The following SLC4A4 variants were observed in gnomAD, a reference collection of about 807,000 sequenced individuals.
The protein encoded by SLC4A4 is electrogenic sodium bicarbonate cotransporter 1.
A neutral mutation model predicts 111.5 loss-of-function variants in SLC4A4; 27 were observed. The observed-to-expected ratio is 0.24, with a 90% CI of 0.18 to 0.33. The LOEUF is 0.33. Among genes scored for constraint, SLC4A4 ranks in the 10% least tolerant of loss-of-function variants. SLC4A4 has a pLI of 1.00. For missense variants in SLC4A4, 909 were observed against 1,315.5 expected, an observed-to-expected ratio of 0.69 and a Z score of 4.78; for synonymous variants, 443 against 463.4, an observed-to-expected ratio of 0.96 and a Z score of 0.57.
intron 3 of SLC4A4, among the ~76,000 whole-genome samples, chr4:71,325,088 T>A (rs1169360217): frequency 6.6e-6 from 1 of 151,948 alleles, no homozygotes; most frequent in Non-Finnish European, 1.5e-5. Flanking sequence ...CTTAGCTAAT[T>A]TGAAAGAGAA....
intron 3 of SLC4A4, among the ~76,000 whole-genome samples, chr4:71,267,791 C>CAAAAAAAAAAAAAAAAAA (rs71212002): frequency 7.1e-4 from 44 of 62,356 alleles, no homozygotes; most frequent in East Asian, 4.2e-3. Flanking sequence ...GAGAGTCTGC[C>CAAAAAAAAAAAAAAAAAA]AAAAAAAAAA....
At chr4:71,386,551 T>C (rs1282182663) in intron 6 of SLC4A4, among the ~76,000 whole-genome samples, 1 of 152,082 alleles carries the variant, frequency 6.6e-6, no homozygotes, top group Non-Finnish European at 1.5e-5. Flanking sequence ...ATTCTTGTTA[T>C]AATATTTTCT....
At chr4:71,101,253 C>A (rs141920636) in intron 2 of SLC4A4, among the ~76,000 whole-genome samples, 1 of 151,554 alleles carries the variant, frequency 6.6e-6, no homozygotes, top group Non-Finnish European at 1.5e-5. Context: ...TGCAAGACTC[C>A]GTCTCAAAAA....
chr4:71,441,074 A>G (rs1398058314), intron 8 of SLC4A4, among the ~76,000 whole-genome samples: 2 of 152,216 alleles, frequency 1.3e-5, no homozygotes, highest in African/African-American at 4.8e-5. Context: ...TACAGATGAA[A>G]AAAGGTCTAA....
chr4:71,151,501 T>C (rs1744310762), intron 2 of SLC4A4, among the ~76,000 whole-genome samples: 2 of 152,146 alleles, frequency 1.3e-5, no homozygotes, highest in South Asian at 4.1e-4. Context: ...TTTAATGTCA[T>C]TTTTACCTCT....
At chr4:71,505,252 G>A (rs762849965) in intron 16 of SLC4A4, among the ~76,000 whole-genome samples, 1 of 151,812 alleles carries the variant, frequency 6.6e-6, no homozygotes, top group Non-Finnish European at 1.5e-5. Flanking sequence ...ATCCTGTAAT[G>A]GATATATAAA....
At chr4:71,286,279 T>C (rs1014896138) in intron 3 of SLC4A4, among the ~76,000 whole-genome samples, 1 of 152,106 alleles carries the variant, frequency 6.6e-6, no homozygotes, top group Non-Finnish European at 1.5e-5. Context: ...CTCTCAAAGA[T>C]TTTGCATAAG....
chr4:71,486,951 A>G lies in SLC4A4; in HGVS notation c.1907A>G (p.Asn636Ser). Residue 636 changes from asparagine to serine, a missense_variant, in exon 15 of 26, where the codon AAT becomes AGT. Coordinates refer to ENST00000264485, the MANE Select transcript of SLC4A4 (RefSeq NM_001098484.3). Reference sequence around the variant, plus strand: ...AATAATTATCTTTTGCTTACAGCTAATATCTCAATATCTAATGACACCACA... The same window carrying G: ...AATAATTATCTTTTGCTTACAGCTAGTATCTCAATATCTAATGACACCACA... ...SCTCVPPDPA[N>S]ISISNDTTLA... The G allele has an allele frequency of 6.3e-7, 1 of 1,590,488 alleles. No homozygotes were observed. Among genetic ancestry groups the G allele is most frequent in the Non-Finnish European group, 8.6e-7 (1 of 1,161,196 alleles).
intron 3 of SLC4A4, among the ~76,000 whole-genome samples, chr4:71,292,332 C>T (rs1724422009): frequency 6.6e-6 from 1 of 152,098 alleles, no homozygotes; most frequent in South Asian, 2.1e-4. Flanking sequence ...GTTTTATGTT[C>T]AGATGGTAGT....
chr4:71,227,576 C>T (rs1253410581), intron 1 of SLC4A4, among the ~76,000 whole-genome samples: 3 of 152,182 alleles, frequency 2.0e-5, no homozygotes, highest in Non-Finnish European at 2.9e-5. Flanking sequence ...TTCCCTTTCC[C>T]GTGATTGTCC....
chr4:71,568,493 CTTTT>C lies in SLC4A4; in HGVS notation c.*745_*748del, dbSNP rs944776915. The C allele has an allele frequency of 2.0e-5, 3 of 152,134 alleles. No individual in the cohort carries two copies. The highest frequency in any genetic ancestry group is 4.4e-5 in the Non-Finnish European group (3 of 67,830). 9.4% of individuals were successfully genotyped at this position (152,134 alleles called of 1,614,324 possible). ...CATTGTAGCAAGTGCTGGAATGTCC[CTTTT>C]TTCCTATGCAACTTTTTTTAACCCT... On this transcript the variant is annotated 3_prime_UTR_variant, in exon 26 of 26. Coordinates refer to ENST00000264485, the MANE Select transcript of SLC4A4 (RefSeq NM_001098484.3).
In SLC4A4 at chr4:71,205,535, T is replaced by C. The variant is rs146501318; in HGVS notation, c.-2+18134T>C. On this transcript the variant is annotated intron_variant, in intron 1 of 25. Coordinates refer to ENST00000264485, the MANE Select transcript of SLC4A4 (RefSeq NM_001098484.3). ...TCAGAGAAACCCCTCGATATTGTTGTATACAGAATTTGTATATATATTTAT... is the reference window on the plus strand; with the variant it reads ...TCAGAGAAACCCCTCGATATTGTTGCATACAGAATTTGTATATATATTTAT... 5.2e-4 allele frequency among the ~76,000 whole-genome samples: 79 copies of C among 152,312 alleles called. 1 individual carries two copies. The East Asian group carries it at 9.6e-3, about 19-fold the overall frequency.
At chr4:71,153,893 GT>G (rs1484623419) in intron 2 of SLC4A4, among the ~76,000 whole-genome samples, 1 of 152,130 alleles carries the variant, frequency 6.6e-6, no homozygotes, top group African/African-American at 2.4e-5. Context: ...CATAATCAGG[GT>G]CATCAGTATG....
At chr4:71,227,340 GT>G (rs1399168007) in intron 1 of SLC4A4, among the ~76,000 whole-genome samples, 2 of 152,184 alleles carry the variant, frequency 1.3e-5, no homozygotes. Flanking sequence ...CATCTTCCAT[GT>G]AATGAAGAAA....
At chr4:71,137,479 G>A (rs1743876140) in intron 2 of SLC4A4, among the ~76,000 whole-genome samples, 1 of 152,148 alleles carries the variant, frequency 6.6e-6, no homozygotes, top group Admixed American at 6.5e-5. Context: ...AATATTTAGT[G>A]AACATGACCA....
At chr4:71,408,904 G>A (rs1305482457) in intron 7 of SLC4A4, among the ~76,000 whole-genome samples, 1 of 152,158 alleles carries the variant, frequency 6.6e-6, no homozygotes, top group Non-Finnish European at 1.5e-5. Flanking sequence ...TGACCCAGGG[G>A]CAGGTAATTG....
intron 7 of SLC4A4, among the ~76,000 whole-genome samples, chr4:71,411,190 A>G (rs971306228): frequency 6.6e-6 from 1 of 152,242 alleles, no homozygotes; most frequent in East Asian, 1.9e-4. Context: ...TGACTTTACT[A>G]CAACCATATG....
chr4:71,319,321 G>A (rs1241714335), intron 3 of SLC4A4, among the ~76,000 whole-genome samples: 2 of 151,838 alleles, frequency 1.3e-5, no homozygotes, highest in Non-Finnish European at 2.9e-5. Context: ...GGTTTACTTA[G>A]GTCTCTGGAG....
chr4:71,094,857 A>G (rs1294990999), intron 2 of SLC4A4, among the ~76,000 whole-genome samples: 1 of 152,220 alleles, frequency 6.6e-6, no homozygotes, highest in Non-Finnish European at 1.5e-5. Context: ...GCCAAGCTCT[A>G]TATTTTCCAG....
Sources: allele counts gnomAD v4.1 joint callset (sites outside exome capture counted in the v4.1 genomes callset), GRCh38; gene constraint gnomAD v4.1.1; transcripts MANE v1.5; gene names NCBI Gene and HGNC (gene_info 2026-07-23, HGNC 2026-07-21).